MED12L: variants seen among roughly 807,000 people sequenced by gnomAD.
MED12L encodes the protein mediator of RNA polymerase II transcription subunit 12-like protein.
MED12L carries 60 observed loss-of-function variants against 281.3 expected under a neutral mutation model. That is an observed-to-expected ratio of 0.21 (90% CI 0.17 to 0.26). The LOEUF is 0.26. Among genes scored for constraint, MED12L ranks in the 10% least tolerant of loss-of-function variants. The pLI, the probability that MED12L is intolerant of heterozygous loss-of-function variation, is 1.00. For synonymous variants in MED12L, 974 were observed against 987.2 expected, an observed-to-expected ratio of 0.99 and a Z score of 0.25; for missense variants, 2,146 against 2,680.9, an observed-to-expected ratio of 0.80 and a Z score of 4.41.
Position 151,435,655 on chromosome 3 carries a change from A to C in MED12L, c.*2851A>C, listed in dbSNP as rs1720076375. 6.6e-6 allele frequency: 1 copy of C among 152,174 alleles called. No individual in the cohort carries two copies. The highest frequency in any genetic ancestry group is 2.4e-5 in the African/African-American group (1 of 41,428). 9.4% of individuals were successfully genotyped at this position (152,174 alleles called of 1,614,324 possible). A position where few individuals can be genotyped will look rare whatever the true frequency, so the allele number is the denominator to read the frequency against. ...AAGTACTAGGTGAATGTTTGAATAGATGCTGGAGAAATTACACTGGAAAAC... is the reference window on the plus strand; with the variant it reads ...AAGTACTAGGTGAATGTTTGAATAGCTGCTGGAGAAATTACACTGGAAAAC... On this transcript the variant is annotated 3_prime_UTR_variant, in exon 45 of 45. Transcript: ENST00000687756.
At chr3:151,406,115 C>CTG (rs1380380161) in intron 39 of MED12L, among the ~76,000 whole-genome samples, 4 of 152,166 alleles carry the variant, frequency 2.6e-5, no homozygotes, top group Non-Finnish European at 5.9e-5. Flanking sequence ...TCACTTTGCC[C>CTG]TCTTGCCCTG....
At chr3:151,226,198 C>T (rs935846457) in intron 16 of MED12L, among the ~76,000 whole-genome samples, 5 of 152,082 alleles carry the variant, frequency 3.3e-5, no homozygotes, top group Non-Finnish European at 7.4e-5. Flanking sequence ...GGGCAGCCTT[C>T]CTGGAGCATG....
chr3:151,234,934 C>T (rs1320230382), intron 16 of MED12L, among the ~76,000 whole-genome samples: 1 of 152,214 alleles, frequency 6.6e-6, no homozygotes, highest in Non-Finnish European at 1.5e-5. Context: ...AAGCAGCAAA[C>T]GTTCCAGCGA....
At chr3:151,086,664 C>A (rs1354891623) in intron 1 of MED12L, 134 bp from the exon 2 acceptor site, 2 of 343,080 alleles carry the variant, frequency 5.8e-6, no homozygotes, top group Non-Finnish European at 1.1e-5. Context: ...TCTAGTCCCT[C>A]CGCCGCCGCC....
chr3:151,214,207 A>C lies in MED12L; in HGVS notation c.2250+20541A>C, dbSNP rs756252088. The C allele has an allele frequency of 1.2e-5, 19 of 1,613,800 alleles. No individual in the cohort carries two copies. The South Asian group carries it at 2.0e-4, about 17-fold the overall frequency. ...CCATCCTGACACTCCATTGAGTAGG[A>C]TTCCTGCAATGAAGACCATACAGTA... is the stretch of plus-strand genomic sequence containing the variant. On this transcript the variant is annotated intron_variant, in intron 16 of 44. Coordinates refer to ENST00000687756, the MANE Select transcript of MED12L (RefSeq NM_001393769.1).
chr3:151,106,258 C>A (rs1722012146), intron 2 of MED12L, among the ~76,000 whole-genome samples: 1 of 137,692 alleles, frequency 7.3e-6, no homozygotes, highest in African/African-American at 2.8e-5. Context: ...TTTCCTTTTC[C>A]TTTTCCCTTT....
intron 12 of MED12L, among the ~76,000 whole-genome samples, chr3:151,187,744 A>G (rs1723464266): frequency 6.6e-6 from 1 of 152,218 alleles, no homozygotes; most frequent in Admixed American, 6.5e-5. Context: ...TGAGTAAGTG[A>G]AAGAATATTG....
At chr3:151,286,405 T>C (rs1250766746) in intron 16 of MED12L, among the ~76,000 whole-genome samples, 1 of 152,212 alleles carries the variant, frequency 6.6e-6, no homozygotes, top group Non-Finnish European at 1.5e-5. Context: ...AAAGCAAATA[T>C]TCAAATTGGA....
intron 16 of MED12L, chr3:151,327,140 A>C (rs575333352): frequency 6.6e-6 from 1 of 152,184 alleles, no homozygotes; most frequent in Admixed American, 6.5e-5. Context: ...CTAACTAGAA[A>C]AGGGAGATCT....
Position 151,097,585 on chromosome 3 carries a change from G to A in MED12L, c.99+10560G>A, listed in dbSNP as rs140988786. Among the ~76,000 whole-genome samples the A allele has an allele frequency of 9.0e-4, 137 of 152,320 alleles. 1 individual carries two copies. Among genetic ancestry groups the A allele is most frequent in the African/African-American group, 3.1e-3 (128 of 41,560 alleles). ...TAAGAGCATTAGATATAGTCCCAGT[G>A]CCCCAGGCCTTCAGTCTAGAGCAGT... On this transcript the variant is annotated intron_variant, in intron 2 of 44. Coordinates refer to ENST00000687756, the MANE Select transcript of MED12L (RefSeq NM_001393769.1).
Position 151,193,560 on chromosome 3 carries a change from A to G in MED12L, c.2144A>G (p.Asn715Ser), listed in dbSNP as rs1724257306. 1 of 1,614,090 alleles carries G rather than the reference A, an allele frequency of 6.2e-7. No homozygotes were observed. Among genetic ancestry groups the G allele is most frequent in the Non-Finnish European group, 8.5e-7 (1 of 1,179,954 alleles). Reference sequence around the variant, plus strand: ...TCGTTGGGCAGAAGAATGTCAGTTAATTGTGAGAAGTTGGTGAAGAGGGAA... The same window carrying G: ...TCGTTGGGCAGAAGAATGTCAGTTAGTTGTGAGAAGTTGGTGAAGAGGGAA... Reference protein sequence around the residue: ...NTSLGRRMSVNCEKLVKREKP... With the variant: ...NTSLGRRMSVSCEKLVKREKP... The change falls in exon 16 of 45, where the codon AAT (asparagine) becomes AGT (serine). Residue 715 changes from asparagine (N) to serine (S), a missense_variant. By Grantham distance (46) the Asn-to-Ser change is conservative. Transcript: ENST00000687756.
rs1258602461 is a variant in MED12L, at chr3:151,086,802, A to T, written c.-125A>T. 2.8e-6 allele frequency: 2 copies of T among 719,390 alleles called. No individual in the cohort carries two copies. The highest frequency in any genetic ancestry group is 5.9e-5 in the East Asian group (2 of 33,886). The allele number at this position is 719,390 out of a possible 1,614,324, so 44.6% of individuals were successfully genotyped here. Reference sequence around the variant, plus strand: ...CTTTATTCCTCCTGCCTGCAGCGCCACAGCGAGCGAGCGAGCGAGGAGGGG... The same window carrying T: ...CTTTATTCCTCCTGCCTGCAGCGCCTCAGCGAGCGAGCGAGCGAGGAGGGG... On this transcript the variant is annotated 5_prime_UTR_variant, in exon 2 of 45. Transcript: ENST00000687756.
At chr3:151,382,792 G>A in intron 33 of MED12L, 47 bp downstream of exon 33, 1 of 1,452,042 alleles carries the variant, frequency 6.9e-7, no homozygotes, top group Admixed American at 1.8e-5. Context: ...ATATTTACAT[G>A]TGAAAATACC....
chr3:151,117,897 C>G (rs539792268), intron 3 of MED12L, among the ~76,000 whole-genome samples: 237 of 152,040 alleles, frequency 1.6e-3, no homozygotes, highest in African/African-American at 5.5e-3. Flanking sequence ...TCGAGACCAG[C>G]CTGGCCAACA....
At chr3:151,248,564 C>A (rs924788042) in intron 16 of MED12L, among the ~76,000 whole-genome samples, 1 of 152,164 alleles carries the variant, frequency 6.6e-6, no homozygotes, top group Middle Eastern at 3.2e-3. Context: ...TCACTACCCA[C>A]ATACCCATCC....
chr3:151,220,888 G>C (rs879020907), intron 16 of MED12L, among the ~76,000 whole-genome samples: 1 of 152,206 alleles, frequency 6.6e-6, no homozygotes, highest in Non-Finnish European at 1.5e-5. Context: ...CTTTGGAACT[G>C]GGCAACAGGC....
intron 16 of MED12L, among the ~76,000 whole-genome samples, chr3:151,242,975 G>A (rs1313001567): frequency 1.3e-5 from 2 of 151,790 alleles, no homozygotes; most frequent in Admixed American, 1.3e-4. Flanking sequence ...GAATGCAGAA[G>A]CCTCAGGAGC....
intron 16 of MED12L, among the ~76,000 whole-genome samples, chr3:151,235,258 A>G (rs1732496071): frequency 6.6e-6 from 1 of 152,182 alleles, no homozygotes; most frequent in Admixed American, 6.5e-5. Flanking sequence ...TTAAATTGTG[A>G]AAGATTTCTG....
Position 151,138,987 on chromosome 3 carries a change from ACCTACCTACCTACCTG to A in MED12L, c.556+11017_556+11032del, listed in dbSNP as rs909501958. 6.5e-4 allele frequency among the ~76,000 whole-genome samples: 92 copies of A among 141,218 alleles called. No individual in the cohort carries two copies. The East Asian group carries it at 0.014, about 22-fold the overall frequency. The allele number at this position is 141,218 out of a possible 152,430, so 92.6% of individuals were successfully genotyped here. A position where few individuals can be genotyped will look rare whatever the true frequency, so the allele number is the denominator to read the frequency against. Reference sequence around the variant, plus strand: ...TGGGTGATTTGTCTCTTATCTACCTACCTACCTACCTACCTGCCTACCTACCTACTATTCTTTCATT... The same window carrying A: ...TGGGTGATTTGTCTCTTATCTACCTACCTACCTACCTACTATTCTTTCATT... On this transcript the variant is annotated intron_variant, in intron 5 of 44. Coordinates refer to ENST00000687756, the MANE Select transcript of MED12L (RefSeq NM_001393769.1).
Sources: allele counts gnomAD v4.1 joint callset (sites outside exome capture counted in the v4.1 genomes callset), GRCh38; gene constraint gnomAD v4.1.1; transcripts MANE v1.5; gene names NCBI Gene and HGNC (gene_info 2026-07-23, HGNC 2026-07-21).